The following RPS6KA2 variants were observed in gnomAD, a reference collection of about 807,000 sequenced individuals.
The protein encoded by RPS6KA2 is ribosomal protein S6 kinase A2, also known as ribosomal protein S6 kinase alpha-2.
RPS6KA2 carries 42 observed loss-of-function variants against 91.8 expected under a neutral mutation model. The ratio of observed to expected loss-of-function variants is 0.46; its 90% confidence interval spans 0.36 to 0.59. The LOEUF (loss-of-function observed/expected upper bound fraction) is 0.59, where lower values mean the gene tolerates loss of function less well. Among genes scored for constraint, RPS6KA2 ranks in the 20% least tolerant of loss-of-function variants. The probability of loss-of-function intolerance (pLI) is 0.00; values close to 1 mark genes in which losing one functional copy is unlikely to be tolerated. For missense variants in RPS6KA2, 798 were observed against 978.5 expected, an observed-to-expected ratio of 0.82 and a Z score of 2.46; for synonymous variants, 414 against 393.6, an observed-to-expected ratio of 1.05 and a Z score of -0.61.
At chr6:166,842,629 C>G (rs921592120) in intron 2 of RPS6KA2, among the ~76,000 whole-genome samples, 3 of 152,216 alleles carry the variant, frequency 2.0e-5, no homozygotes, top group Admixed American at 2.0e-4. Context: ...GTATCCATAA[C>G]GGACCCGAAG....
At position 166,649,920 on chromosome 6, in the gene RPS6KA2, T is replaced by G. The variant is rs138073489; in HGVS notation, c.124-111136A>C. ...GGCTCGCCAGCAGAAACTTCAGAACTGCATGCCCAACATGATCTCGATAAG... is the reference window on the plus strand; with the variant it reads ...GGCTCGCCAGCAGAAACTTCAGAACGGCATGCCCAACATGATCTCGATAAG... On this transcript the variant is annotated intron_variant, in intron 2 of 21. Coordinates refer to the RPS6KA2 transcript ENST00000503859. Among the ~76,000 whole-genome samples the G allele has an allele frequency of 1.3e-3, 194 of 152,276 alleles. 1 individual carries two copies. The highest frequency in any genetic ancestry group is 4.1e-3 in the African/African-American group (169 of 41,552).
chr6:166,804,170 TA>T (rs35887397), intron 2 of RPS6KA2, among the ~76,000 whole-genome samples: 33 of 150,384 alleles, frequency 2.2e-4, no homozygotes, highest in East Asian at 1.9e-3. Flanking sequence ...TGTAAATTAG[TA>T]AAAAAAAAAT....
chr6:166,483,405 T>A (rs1180728282), intron 10 of RPS6KA2, among the ~76,000 whole-genome samples: 1 of 151,994 alleles, frequency 6.6e-6, no homozygotes, highest in Non-Finnish European at 1.5e-5. Flanking sequence ...CTCTCACACA[T>A]CCTGCTGCCA....
intron 11 of RPS6KA2, among the ~76,000 whole-genome samples, chr6:166,464,666 C>T (rs1225268027): frequency 2.0e-5 from 3 of 152,066 alleles, no homozygotes; most frequent in East Asian, 1.9e-4. Flanking sequence ...TTTTTGGGTT[C>T]GTGCTAATTC....
intron 2 of RPS6KA2, among the ~76,000 whole-genome samples, chr6:166,649,132 T>C (rs1787769806): frequency 6.6e-6 from 1 of 152,204 alleles, no homozygotes; most frequent in Admixed American, 6.5e-5. Context: ...TCAAGCTTCA[T>C]CTCGCACCAC....
intron 2 of RPS6KA2, among the ~76,000 whole-genome samples, chr6:166,730,879 G>A (rs1331921639): frequency 6.6e-6 from 1 of 152,126 alleles, no homozygotes; most frequent in Non-Finnish European, 1.5e-5. Context: ...GTAGTCATCC[G>A]GTTGAGGTGG....
intron 13 of RPS6KA2, 94 bp downstream of exon 13, chr6:166,451,009 A>C (rs527710944): frequency 6.7e-7 from 1 of 1,499,402 alleles, no homozygotes; most frequent in Non-Finnish European, 9.2e-7. Context: ...CTAAGCACCC[A>C]ACCCCCGGGT....
At chr6:166,729,933 G>A (rs1790460373) in intron 2 of RPS6KA2, among the ~76,000 whole-genome samples, 1 of 152,188 alleles carries the variant, frequency 6.6e-6, no homozygotes, top group Admixed American at 6.5e-5. Context: ...CTTCCCATGA[G>A]GAGAAGCAAT....
intron 1 of RPS6KA2, among the ~76,000 whole-genome samples, chr6:166,577,953 T>C (rs947845339): frequency 6.6e-6 from 1 of 152,214 alleles, no homozygotes; most frequent in African/African-American, 2.4e-5. Context: ...ACTGTTCTCA[T>C]GATAGTGAAT....
chr6:166,751,917 A>ACACAGAGGCCAGACTCCATGGAG (rs1336465045), intron 2 of RPS6KA2, among the ~76,000 whole-genome samples: 1 of 151,096 alleles, frequency 6.6e-6, no homozygotes, highest in African/African-American at 2.4e-5. Flanking sequence ...ACGCTGTGGA[A>ACACAGAGGCCAGACTCCATGGAG]CACAGAGGCC....
At chr6:166,744,483 C>T (rs1035097886) in intron 2 of RPS6KA2, among the ~76,000 whole-genome samples, 2 of 152,226 alleles carry the variant, frequency 1.3e-5, no homozygotes, top group Non-Finnish European at 2.9e-5. Context: ...AAAACACAGG[C>T]TCTATGGCGA....
chr6:166,577,585 C>G (rs1784874300), intron 1 of RPS6KA2, among the ~76,000 whole-genome samples: 2 of 152,150 alleles, frequency 1.3e-5, no homozygotes, highest in Admixed American at 1.3e-4. Flanking sequence ...TTTGTTTTGG[C>G]CAATTTCTCC....
chr6:166,508,433 G>A lies in RPS6KA2; in HGVS notation c.380-151C>T, dbSNP rs1782341047. 2 of 604,172 alleles carry A rather than the reference G, an allele frequency of 3.3e-6. No individual in the cohort carries two copies. The highest frequency in any genetic ancestry group is 2.8e-5 in the East Asian group (1 of 35,250). The allele number at this position is 604,172 out of a possible 1,614,324, so 37.4% of individuals were successfully genotyped here. Reference sequence around the variant, plus strand: ...GACCCCGGCTGGTGACCAGCTCAGAGGGGCAGCACCCGGCAGAGGGGGTCT... The same window carrying A: ...GACCCCGGCTGGTGACCAGCTCAGAAGGGCAGCACCCGGCAGAGGGGGTCT... On this transcript the variant is annotated intron_variant, in intron 4 of 20. Coordinates refer to ENST00000265678, the MANE Select transcript of RPS6KA2 (RefSeq NM_021135.6). This position sits in a 1 kb window ranked among gnomAD's most constrained non-coding sequence, Gnocchi z 4.3.
intron 2 of RPS6KA2, among the ~76,000 whole-genome samples, chr6:166,838,567 T>C (rs952474528): frequency 1.3e-5 from 2 of 152,200 alleles, no homozygotes; most frequent in Non-Finnish European, 2.9e-5. Flanking sequence ...GAAATATACT[T>C]TACTGCTGGT....
At chr6:166,537,530 G>A (rs535183872) in intron 2 of RPS6KA2, among the ~76,000 whole-genome samples, 4 of 152,264 alleles carry the variant, frequency 2.6e-5, no homozygotes, top group South Asian at 2.1e-4. Context: ...TTAATCTAAC[G>A]TATAAAAATT....
intron 2 of RPS6KA2, among the ~76,000 whole-genome samples, chr6:166,658,609 G>A (rs1009170521): frequency 4.6e-5 from 7 of 152,118 alleles, no homozygotes; most frequent in Admixed American, 1.3e-4. Flanking sequence ...AGGATGTACC[G>A]GGACACCCTG....
intron 2 of RPS6KA2, among the ~76,000 whole-genome samples, chr6:166,735,880 A>G (rs1790659413): frequency 6.6e-6 from 1 of 152,258 alleles, no homozygotes; most frequent in African/African-American, 2.4e-5. Context: ...TTAGGAAAAC[A>G]CTACAACAGA....
chr6:166,717,418 A>C (rs1302328231), intron 2 of RPS6KA2, among the ~76,000 whole-genome samples: 1 of 152,212 alleles, frequency 6.6e-6, no homozygotes, highest in Non-Finnish European at 1.5e-5. Context: ...CGCTGGGCAC[A>C]CACTGGCACC....
At chr6:166,607,811 T>C (rs937167401) in intron 1 of RPS6KA2, among the ~76,000 whole-genome samples, 1 of 152,180 alleles carries the variant, frequency 6.6e-6, no homozygotes. Context: ...TTCAGGGCAA[T>C]TTGAAGCAAA....
Sources: allele counts gnomAD v4.1 joint callset (sites outside exome capture counted in the v4.1 genomes callset), GRCh38; gene constraint gnomAD v4.1.1; non-coding constraint Gnocchi (gnomAD v3.1); transcripts MANE v1.5; gene names NCBI Gene and HGNC (gene_info 2026-07-23, HGNC 2026-07-21).